Variants in MTUS2 observed in about 807,000 individuals in gnomAD.
MTUS2 encodes microtubule associated scaffold protein 2, also known as microtubule-associated tumor suppressor candidate 2.
A neutral mutation model predicts 114.1 loss-of-function variants in MTUS2; 40 were observed. That is an observed-to-expected ratio of 0.35 (90% CI 0.27 to 0.46). The LOEUF (loss-of-function observed/expected upper bound fraction) is 0.46, where lower values mean the gene tolerates loss of function less well. Among genes scored for constraint, MTUS2 ranks in the 20% least tolerant of loss-of-function variants. The pLI, the probability that MTUS2 is intolerant of heterozygous loss-of-function variation, is 1.00. For missense variants in MTUS2, 1,679 were observed against 1,705.4 expected, an observed-to-expected ratio of 0.98 and a Z score of 0.27; for synonymous variants, 688 against 672.0, an observed-to-expected ratio of 1.02 and a Z score of -0.37.
intron 5 of MTUS2, among the ~76,000 whole-genome samples, chr13:29,122,566 G>T (rs533492876): frequency 3.3e-5 from 5 of 150,908 alleles, no homozygotes; most frequent in African/African-American, 1.2e-4. Flanking sequence ...CCCATGACAT[G>T]TGGGAATTGT....
intron 4 of MTUS2, among the ~76,000 whole-genome samples, chr13:29,041,736 G>A (rs977743132): frequency 1.3e-5 from 2 of 152,100 alleles, no homozygotes; most frequent in Non-Finnish European, 2.9e-5. Context: ...TGTTGTAAAA[G>A]GGGTTGAGTT....
At chr13:29,038,422 C>G (rs1327387408) in intron 4 of MTUS2, among the ~76,000 whole-genome samples, 1 of 152,208 alleles carries the variant, frequency 6.6e-6, no homozygotes, top group Admixed American at 6.5e-5. Flanking sequence ...AGCTTTGTCC[C>G]AGAGGGTCAC....
chr13:29,464,348 TC>T (rs1347409310), intron 9 of MTUS2, among the ~76,000 whole-genome samples: 9 of 152,226 alleles, frequency 5.9e-5, no homozygotes, highest in Non-Finnish European at 1.2e-4. Context: ...AACAAACAGT[TC>T]TAAGGCCAGG....
chr13:28,950,502 CAATA>C (rs553649715), intron 2 of MTUS2, among the ~76,000 whole-genome samples: 119 of 152,206 alleles, frequency 7.8e-4, no homozygotes, highest in Non-Finnish European at 1.6e-3. Flanking sequence ...GGCATCTGTC[CAATA>C]AATTCTTCCA....
intron 6 of MTUS2, among the ~76,000 whole-genome samples, chr13:29,282,726 G>GTATCAATGTATCATCA (rs1898323397): frequency 6.6e-6 from 1 of 152,034 alleles, no homozygotes; most frequent in Non-Finnish European, 1.5e-5. Context: ...TTCTATGCTT[G>GTATCAATGTATCATCA]TATCAATGTA....
intron 8 of MTUS2, among the ~76,000 whole-genome samples, chr13:29,410,925 G>A (rs1176858170): frequency 2.6e-5 from 4 of 152,192 alleles, no homozygotes; most frequent in Non-Finnish European, 4.4e-5. Context: ...TCTGCCTCCC[G>A]GGTTCAAGCA....
intron 5 of MTUS2, among the ~76,000 whole-genome samples, chr13:29,249,604 T>C (rs994343312): frequency 2.0e-5 from 3 of 152,236 alleles, no homozygotes; most frequent in Non-Finnish European, 4.4e-5. Context: ...GGCATAAATG[T>C]CTTCTTTTGA....
chr13:29,266,980 G>A (rs759852421), intron 5 of MTUS2, among the ~76,000 whole-genome samples: 5 of 152,304 alleles, frequency 3.3e-5, no homozygotes, highest in Middle Eastern at 3.4e-3. Context: ...AGAAGACTAC[G>A]TTGAGTCATC....
At chr13:28,917,956 T>A (rs1880839752) in intron 2 of MTUS2, among the ~76,000 whole-genome samples, 2 of 151,912 alleles carry the variant, frequency 1.3e-5, no homozygotes. Context: ...TTCAGTTTCC[T>A]TCTTAATTTC....
At chr13:29,439,560 A>G (rs1304870617) in intron 8 of MTUS2, among the ~76,000 whole-genome samples, 1 of 152,236 alleles carries the variant, frequency 6.6e-6, no homozygotes, top group Non-Finnish European at 1.5e-5. Flanking sequence ...AGTTTAAAAA[A>G]CAGTTGGTAA....
chr13:29,346,996 C>G (rs1466292002), intron 7 of MTUS2, among the ~76,000 whole-genome samples: 3 of 151,548 alleles, frequency 2.0e-5, no homozygotes, highest in Non-Finnish European at 4.4e-5. Context: ...ACTTTAGACA[C>G]TCATAGTTTG....
chr13:29,362,146 A>G (rs1457536091), intron 8 of MTUS2, among the ~76,000 whole-genome samples: 4 of 152,218 alleles, frequency 2.6e-5, no homozygotes, highest in Non-Finnish European at 5.9e-5. Flanking sequence ...AATGTAGTGA[A>G]TTAATGTGCA....
chr13:29,307,331 A>G (rs1204696894), intron 6 of MTUS2: 2 of 695,006 alleles, frequency 2.9e-6, no homozygotes, highest in Non-Finnish European at 5.3e-6. Context: ...CCTGCCACCC[A>G]GAAGACTGTG....
chr13:29,361,034 C>T (rs1870200631), intron 8 of MTUS2, among the ~76,000 whole-genome samples: 1 of 152,090 alleles, frequency 6.6e-6, no homozygotes, highest in Non-Finnish European at 1.5e-5. Context: ...CTTTTAGGCC[C>T]CACTTTTGGG....
chr13:29,354,843 T>C (rs1869605721), intron 7 of MTUS2, among the ~76,000 whole-genome samples: 1 of 152,192 alleles, frequency 6.6e-6, no homozygotes, highest in South Asian at 2.1e-4. Context: ...ATTGGTTTGA[T>C]AAAAATAAAG....
intron 2 of MTUS2, among the ~76,000 whole-genome samples, chr13:28,856,925 CAG>C (rs1453596523): frequency 3.5e-5 from 5 of 144,204 alleles, no homozygotes; most frequent in Admixed American, 2.2e-4. Context: ...GACACTTGTG[CAG>C]AGAGAGACTC....
intron 5 of MTUS2, among the ~76,000 whole-genome samples, chr13:29,153,439 A>G (rs1013419616): frequency 1.3e-5 from 2 of 152,148 alleles, no homozygotes; most frequent in African/African-American, 2.4e-5. Flanking sequence ...CCTGTTTCTC[A>G]GCATCCCTAC....
chr13:29,086,187 T>C (rs185340394), intron 4 of MTUS2, among the ~76,000 whole-genome samples: 27 of 152,378 alleles, frequency 1.8e-4, no homozygotes, highest in Middle Eastern at 6.8e-3. Context: ...ATTAGGTCTT[T>C]GTTGCATACA....
intron 7 of MTUS2, among the ~76,000 whole-genome samples, chr13:29,351,838 C>A (rs1869316026): frequency 6.6e-6 from 1 of 151,110 alleles, no homozygotes; most frequent in Admixed American, 6.6e-5. Context: ...TGGTCTCAAA[C>A]ACCTGAGCTC....
Sources: allele counts gnomAD v4.1 joint callset (sites outside exome capture counted in the v4.1 genomes callset), GRCh38; gene constraint gnomAD v4.1.1; transcripts MANE v1.5; gene names NCBI Gene and HGNC (gene_info 2026-07-23, HGNC 2026-07-21).